Variants in SCPEP1 observed in about 807,000 individuals in gnomAD.
The protein encoded by SCPEP1 is serine carboxypeptidase 1.
A neutral mutation model predicts 63.8 loss-of-function variants in SCPEP1; 51 were observed. That is an observed-to-expected ratio of 0.80 (90% CI 0.64 to 1.01). The LOEUF (loss-of-function observed/expected upper bound fraction) is 1.01, where lower values mean the gene tolerates loss of function less well. Among genes scored for constraint, SCPEP1 ranks in the 50% least tolerant of loss-of-function variants. The probability of loss-of-function intolerance (pLI) is 0.00; values close to 1 mark genes in which losing one functional copy is unlikely to be tolerated. For synonymous variants in SCPEP1, 204 were observed against 207.8 expected (o/e 0.98, Z 0.16); for missense variants, 499 against 554.9 (o/e 0.90, Z 1.01).
At chr17:57,000,016 G>A (rs1911691716) in intron 10 of SCPEP1, among the ~76,000 whole-genome samples, 1 of 151,638 alleles carries the variant, frequency 6.6e-6, no homozygotes, top group African/African-American at 2.4e-5. Context: ...TGGGCGTGGT[G>A]GTGTGCATCT....
chr17:56,992,585 C>T (rs965302557), intron 6 of SCPEP1, among the ~76,000 whole-genome samples: 1 of 152,188 alleles, frequency 6.6e-6, no homozygotes, highest in Admixed American at 6.5e-5. Flanking sequence ...GGCCCTCTCA[C>T]TTCCTCATGG....
At chr17:56,993,260 T>G (rs1911451200) in intron 6 of SCPEP1, among the ~76,000 whole-genome samples, 1 of 152,220 alleles carries the variant, frequency 6.6e-6, no homozygotes, top group Admixed American at 6.5e-5. Flanking sequence ...TACACCCAAG[T>G]GCTCCATAGA....
In SCPEP1 at chr17:56,994,985, G is replaced by T; in HGVS notation, c.624G>T (p.Ser208=). 6.2e-7 allele frequency: 1 copy of T among 1,613,080 alleles called. No homozygotes were observed. Among genetic ancestry groups the T allele is most frequent in the Non-Finnish European group, 8.5e-7 (1 of 1,179,162 alleles). ...TACATATGTGATTTCCTTTAGATTC[G>T]GTGCTCTCCTGGGGACCTTACCTGT... ...LGDSWISPVD[S]VLSWGPYLYS... Residue 208 remains serine (S), a synonymous_variant, in exon 7 of 13, where the codon TCG becomes TCT. Transcript: ENST00000262288.
chr17:56,979,288 C>T (rs567789573), intron 1 of SCPEP1, among the ~76,000 whole-genome samples: 2 of 152,266 alleles, frequency 1.3e-5, no homozygotes, highest in South Asian at 4.1e-4. Context: ...CACCCTGGCT[C>T]TTTCTTATTT....
In SCPEP1 at chr17:56,999,090, T is replaced by G. The variant is rs186684139; in HGVS notation, c.994+592T>G. Among the ~76,000 whole-genome samples, 167 of 152,282 alleles carry G rather than the reference T, an allele frequency of 1.1e-3. 1 individual carries two copies. The highest frequency in any genetic ancestry group is 5.0e-4 in the Non-Finnish European group (34 of 68,018). ...GCCTGGTATGGGTACATCGGAGCAT[T>G]GTATGCTTCTCCTTTCTATCCATTT... On this transcript the variant is annotated intron_variant, in intron 10 of 12. Transcript: ENST00000262288.
At chr17:56,997,799 C>T (rs1373110939) in intron 9 of SCPEP1, among the ~76,000 whole-genome samples, 1 of 151,770 alleles carries the variant, frequency 6.6e-6, no homozygotes, top group African/African-American at 2.4e-5. Flanking sequence ...CACTCTGTTG[C>T]CCAGGCCAGA....
Position 56,978,231 on chromosome 17 carries a change from C to A in SCPEP1, c.72C>A (p.Asn24Lys). ...TGCTGCCGCTGCTGCTGGGCCTGAA[C>A]GCAGGTAGGTTCAAGCAAGAGGCGC... ...LLLLPLLLGLNAGAVIDWPTE... is the reference protein window; with the variant it reads ...LLLLPLLLGLKAGAVIDWPTE... The change falls in exon 1 of 13, where the codon AAC (asparagine) becomes AAA (lysine). Residue 24 changes from asparagine (N) to lysine (K), a missense_variant. By Grantham distance (94) the Asn-to-Lys change is moderately conservative. Coordinates refer to ENST00000262288, the MANE Select transcript of SCPEP1 (RefSeq NM_021626.3). 3 of 1,547,168 alleles carry A rather than the reference C, an allele frequency of 1.9e-6. No homozygotes were observed. The highest frequency in any genetic ancestry group is 2.6e-6 in the Non-Finnish European group (3 of 1,151,774).
intron 8 of SCPEP1, among the ~76,000 whole-genome samples, chr17:56,996,521 C>T (rs939140653): frequency 1.3e-5 from 2 of 150,308 alleles, no homozygotes; most frequent in Non-Finnish European, 3.0e-5. Context: ...TCCTTTCTTT[C>T]TTTTTTATTT....
intron 1 of SCPEP1, among the ~76,000 whole-genome samples, chr17:56,979,352 G>T (rs1015144579): frequency 6.6e-6 from 1 of 152,130 alleles, no homozygotes; most frequent in Admixed American, 6.5e-5. Context: ...TAGCTGTTGG[G>T]ACCAGTGTTC....
intron 3 of SCPEP1, 155 bp from the exon 4 acceptor site, chr17:56,987,525 TCTATGTTCCTGTCCC>T: frequency 2.1e-5 from 12 of 562,054 alleles, no homozygotes; most frequent in South Asian, 1.5e-4. Context: ...TGTTTTTTTT[TCTATGTTCCTGTCCC>T]TTATTTTTAA....
Position 56,995,466 on chromosome 17 carries a change from C to T in SCPEP1, c.658-41C>T, listed in dbSNP as rs768688884. 5.0e-6 allele frequency: 8 copies of T among 1,598,594 alleles called. No homozygotes were observed. In the East Asian group the frequency reaches 1.6e-4, roughly 31 times the overall value. On this transcript the variant is annotated intron_variant, in intron 7 of 12. Coordinates refer to ENST00000262288, the MANE Select transcript of SCPEP1 (RefSeq NM_021626.3). ...CTGCAGCAATACCAGATTGACGTTCCCAAGTAAAGTGGGTCTTTTTGCTCT... is the reference window on the plus strand; with the variant it reads ...CTGCAGCAATACCAGATTGACGTTCTCAAGTAAAGTGGGTCTTTTTGCTCT...
intron 2 of SCPEP1, chr17:56,985,140 A>G: frequency 9.0e-6 from 5 of 553,528 alleles, no homozygotes; most frequent in Non-Finnish European, 1.3e-5. Context: ...ATCAGGAGTC[A>G]GGAACATTCC....
At chr17:56,991,564 T>C (rs1216041007) in intron 6 of SCPEP1, among the ~76,000 whole-genome samples, 1 of 152,126 alleles carries the variant, frequency 6.6e-6, no homozygotes, top group African/African-American at 2.4e-5. Context: ...CTGACATAAG[T>C]GTTTGGGGTA....
In SCPEP1 at chr17:57,000,931, G is replaced by A. The variant is rs750907717; in HGVS notation, c.1071G>A (p.Leu357=). 6.2e-6 allele frequency: 10 copies of A among 1,614,198 alleles called. No individual in the cohort carries two copies. The South Asian group carries it at 9.9e-5, about 16-fold the overall frequency. ...KPVISIVDEL[L]EAGINVTVYN... ...TCATTAGCATTGTGGACGAGTTGCT[G>A]GAGGCAGGGATCAACGTGACGGTGT... The change falls in exon 11 of 13, where the codon CTG becomes CTA. Residue 357 remains leucine (L), a synonymous_variant. Coordinates refer to ENST00000262288, the MANE Select transcript of SCPEP1 (RefSeq NM_021626.3).
chr17:56,997,307 C>T (rs958014927), intron 9 of SCPEP1, among the ~76,000 whole-genome samples: 2 of 152,178 alleles, frequency 1.3e-5, no homozygotes, highest in Admixed American at 6.5e-5. Flanking sequence ...CTCCCAGCCA[C>T]AGGCAACCAC....
intron 3 of SCPEP1, 107 bp from the exon 4 acceptor site, chr17:56,987,588 G>T (rs1481800065): frequency 3.0e-6 from 3 of 999,954 alleles, no homozygotes; most frequent in Non-Finnish European, 4.3e-6. Flanking sequence ...TCACCACGCT[G>T]GTATCCTCAC....
chr17:56,981,272 C>T (rs1465146872), intron 2 of SCPEP1, 42 bp downstream of exon 2: 1 of 1,610,784 alleles, frequency 6.2e-7, no homozygotes, highest in Non-Finnish European at 8.5e-7. Context: ...AAAGCCAAGT[C>T]TCCTCTGTGT....
intron 1 of SCPEP1, among the ~76,000 whole-genome samples, chr17:56,980,601 C>A (rs957675867): frequency 5.3e-5 from 8 of 151,896 alleles, no homozygotes; most frequent in African/African-American, 1.2e-4. Context: ...CCAGCCTGAC[C>A]AACATGGAGA....
intron 3 of SCPEP1, among the ~76,000 whole-genome samples, chr17:56,986,817 T>C (rs1182729681): frequency 6.6e-6 from 1 of 152,218 alleles, no homozygotes; most frequent in Non-Finnish European, 1.5e-5. Flanking sequence ...AGTGCTGGGA[T>C]TACAGGCGTG....
Sources: gnomAD v4.1 joint callset for allele counts (sites outside exome capture counted in the v4.1 genomes callset) on GRCh38, gnomAD v4.1.1 for gene constraint, MANE v1.5 for transcripts, NCBI Gene and HGNC (gene_info 2026-07-23, HGNC 2026-07-21) for gene names.